The following ZNF254 variants were observed in gnomAD, a reference collection of about 807,000 sequenced individuals.
ZNF254 encodes the protein CTD-2017D11.1.
In ZNF254, 10 loss-of-function variants were observed where a neutral mutation model predicts 12.4. The ratio of observed to expected loss-of-function variants is 0.80; its 90% CI spans 0.50 to 1.36. The LOEUF (loss-of-function observed/expected upper bound fraction) is 1.36. ZNF254 is among the 40% of genes most tolerant of loss of function. The probability of loss-of-function intolerance (pLI) is 0.00; values close to 1 mark genes in which losing one functional copy is unlikely to be tolerated. For missense variants in ZNF254, 996 were observed against 763.9 expected (o/e 1.30, Z -3.58); for synonymous variants, 305 against 253.4 (o/e 1.20, Z -1.93).
At chr19:24,118,156 C>T (rs1398386810) in intron 3 of ZNF254, among the ~76,000 whole-genome samples, 6 of 151,540 alleles carry the variant, frequency 4.0e-5, no homozygotes, top group East Asian at 3.9e-4. Context: ...GGGTTTCAAG[C>T]GATTCTCCTG....
intron 1 of ZNF254, among the ~76,000 whole-genome samples, chr19:24,089,792 C>A (rs957823330): frequency 5.9e-5 from 9 of 151,936 alleles, no homozygotes; most frequent in African/African-American, 2.2e-4. Flanking sequence ...GCTGGTCAGT[C>A]AATCAGATAC....
chr19:24,036,047 CTTTTG>C lies in ZNF254; in HGVS notation c.-190+2451_-190+2455del, dbSNP rs74635617. Among the ~76,000 whole-genome samples, 1,327 of 151,184 alleles carry C rather than the reference CTTTTG, an allele frequency of 8.8e-3. 21 individuals are homozygous for C. Among genetic ancestry groups the C allele is most frequent in the African/African-American group, 0.03 (1,236 of 41,200 alleles). The stretch of plus-strand genomic sequence containing the variant: ...CAAACTGGTAAATGCAAGTATAATG[CTTTTG>C]TTTTGTTTTGTTTTGTTTTGTTTTT... On this transcript the variant is annotated intron_variant, in intron 1 of 4. Transcript: ENST00000613065.
chr19:24,105,736 A>T, intron 1 of ZNF254: 2 of 686,466 alleles, frequency 2.9e-6, no homozygotes, highest in Non-Finnish European at 4.3e-6. Flanking sequence ...ATATACACTG[A>T]TGTGGATATT....
Position 24,127,599 on chromosome 19 carries a change from T to G in ZNF254, c.1599T>G (p.Leu533=), listed in dbSNP as rs570716009. The G allele has an allele frequency of 1.4e-5, 23 of 1,606,504 alleles. No individual in the cohort carries two copies. In the African/African-American group the frequency reaches 2.8e-4, roughly 20 times the overall value. Residue 533 remains leucine (L), a synonymous_variant, in exon 4 of 4, where the codon CTT becomes CTG. Coordinates refer to ENST00000357002, the MANE Select transcript of ZNF254 (RefSeq NM_203282.4). The stretch of plus-strand genomic sequence containing the variant: ...AAGCCTTTAACTGGTCCTCAACTCT[T>G]ACTAAACATAAGATAATTCATACTG... The part of the protein sequence containing the change: ...CGKAFNWSST[L]TKHKIIHTEE...
intron 2 of ZNF254, among the ~76,000 whole-genome samples, chr19:24,075,512 G>A (rs1234614626): frequency 1.3e-5 from 2 of 152,142 alleles, no homozygotes; most frequent in African/African-American, 2.4e-5. Flanking sequence ...TTTTATTAGC[G>A]ATTTTCGAAG....
intron 2 of ZNF254, among the ~76,000 whole-genome samples, chr19:24,051,161 A>G (rs1260076721): frequency 6.6e-6 from 1 of 150,592 alleles, no homozygotes; most frequent in East Asian, 2.0e-4. Flanking sequence ...TAGGTAATAT[A>G]ACTTTTATTT....
chr19:24,097,598 A>G (rs1203183552), intron 1 of ZNF254, among the ~76,000 whole-genome samples: 1 of 151,964 alleles, frequency 6.6e-6, no homozygotes, highest in Non-Finnish European at 1.5e-5. Context: ...CCTGACCAAC[A>G]TGGAGAAACC....
At chr19:24,065,304 C>T (rs2040087489) in intron 2 of ZNF254, among the ~76,000 whole-genome samples, 1 of 152,216 alleles carries the variant, frequency 6.6e-6, no homozygotes. Context: ...TCATACTCTT[C>T]TTCCTATGCC....
rs529378116 is a variant in ZNF254, at chr19:24,058,485, A to G, written c.-94+12206A>G. On this transcript the variant is annotated intron_variant, in intron 2 of 4. Transcript: ENST00000613065. The stretch of plus-strand genomic sequence containing the variant: ...GAGTGTAATGGTGCAATCTTGGCTC[A>G]AGGCAACCTCCGCCTCCTGGGTTTA... Among the ~76,000 whole-genome samples the G allele has an allele frequency of 1.1e-3, 159 of 150,748 alleles. 1 individual carries two copies. Among genetic ancestry groups the G allele is most frequent in the Non-Finnish European group, 1.4e-3 (97 of 67,854 alleles).
chr19:24,049,201 TA>T lies in ZNF254; in HGVS notation c.-94+2923del, dbSNP rs1568426376. On this transcript the variant is annotated intron_variant, in intron 2 of 4. Coordinates refer to the ZNF254 transcript ENST00000613065. The stretch of plus-strand genomic sequence containing the variant: ...CTCTGGTTTTATATATATATATATA[TA>T]TATATATATATATTTTTTTTTTTTT... 3.1e-3 allele frequency among the ~76,000 whole-genome samples: 207 copies of T among 67,428 alleles called. 2 individuals are homozygous for T. The highest frequency in any genetic ancestry group is 6.9e-3 in the African/African-American group (105 of 15,270). 44.2% of individuals were successfully genotyped at this position (67,428 alleles called of 152,430 possible). A position where few individuals can be genotyped will look rare whatever the true frequency, so the allele number is the denominator to read the frequency against.
chr19:24,085,427 A>ATATATATATATATATATATGT (rs1369362234), upstream of ZNF254, among the ~76,000 whole-genome samples: 609 of 42,410 alleles, frequency 0.014, 44 homozygotes, highest in Middle Eastern at 0.059. Flanking sequence ...TATATATATA[A>ATATATATATATATATATATGT]AAACTAAGAT....
intron 3 of ZNF254, among the ~76,000 whole-genome samples, chr19:24,118,930 T>A (rs1974291463): frequency 6.6e-6 from 1 of 151,860 alleles, no homozygotes. Context: ...ACCAATATGG[T>A]GAAACCTCAT....
At chr19:24,088,549 T>C (rs1972169793) in intron 1 of ZNF254, among the ~76,000 whole-genome samples, 1 of 152,208 alleles carries the variant, frequency 6.6e-6, no homozygotes, top group Admixed American at 6.5e-5. Flanking sequence ...TTTCCCGTTT[T>C]GTCTGACATT....
intron 2 of ZNF254, among the ~76,000 whole-genome samples, chr19:24,077,829 G>C (rs768502079): frequency 6.6e-6 from 1 of 152,094 alleles, no homozygotes; most frequent in Non-Finnish European, 1.5e-5. Context: ...GTGACAGGCA[G>C]GTTCCTGGAG....
Position 24,107,310 on chromosome 19 carries a change from T to A in ZNF254, c.253+667T>A, listed in dbSNP as rs1973407054. On this transcript the variant is annotated intron_variant, in intron 3 of 3. Coordinates refer to ENST00000357002, the MANE Select transcript of ZNF254 (RefSeq NM_203282.4). ...CACTTTGGATAATATGGCAGTTTCA[T>A]AATACTTATTCTTTCAATAGAAATA... The A allele has an allele frequency of 4.6e-5, 25 of 541,508 alleles. No homozygotes were observed. In the South Asian group the frequency reaches 5.9e-4, roughly 13 times the overall value. 33.5% of individuals were successfully genotyped at this position (541,508 alleles called of 1,614,324 possible).
intron 2 of ZNF254, among the ~76,000 whole-genome samples, chr19:24,058,657 C>T (rs1970955737): frequency 6.6e-6 from 1 of 152,074 alleles, no homozygotes; most frequent in Non-Finnish European, 1.5e-5. Flanking sequence ...ATCCACCTGC[C>T]TTGGCCTCCC....
chr19:24,115,552 A>T (rs1415148619), intron 3 of ZNF254, among the ~76,000 whole-genome samples: 1 of 151,816 alleles, frequency 6.6e-6, no homozygotes, highest in Non-Finnish European at 1.5e-5. Flanking sequence ...GAGGGATAGC[A>T]TTGGGAGATA....
At chr19:24,078,109 G>T (rs1025657969) in intron 2 of ZNF254, among the ~76,000 whole-genome samples, 1 of 152,142 alleles carries the variant, frequency 6.6e-6, no homozygotes, top group Non-Finnish European at 1.5e-5. Context: ...CATGATCTTG[G>T]CATGCTGCAA....
At chr19:24,106,820 A>G (rs1410650734) in intron 3 of ZNF254, 177 bp downstream of exon 3, 3 of 446,462 alleles carry the variant, frequency 6.7e-6, no homozygotes, top group Non-Finnish European at 1.2e-5. Context: ...TGCCTATAAA[A>G]TCTAAGAATT....
Sources: allele counts gnomAD v4.1 joint callset (sites outside exome capture counted in the v4.1 genomes callset), GRCh38; gene constraint gnomAD v4.1.1; transcripts MANE v1.5; gene names NCBI Gene and HGNC (gene_info 2026-07-23, HGNC 2026-07-21).